Variants in DUS2 observed in about 807,000 individuals in gnomAD.
DUS2 encodes tRNA-dihydrouridine(20) synthase [NAD(P)+]-like.
In DUS2, 52 loss-of-function variants were observed where a neutral mutation model predicts 71.3. The observed-to-expected ratio is 0.73, with a 90% CI of 0.58 to 0.92. DUS2 has a LOEUF of 0.92. DUS2 is among the 40% of genes least tolerant of loss of function. The pLI is 0.00. For synonymous variants in DUS2, 204 were observed against 227.8 expected (o/e 0.90, Z 0.94); for missense variants, 558 against 622.6 (o/e 0.90, Z 1.10).
chr16:68,057,098 GATTACATATATTATAT>G (rs1281356177), intron 7 of DUS2, among the ~76,000 whole-genome samples: 1 of 132,644 alleles, frequency 7.5e-6, no homozygotes, highest in East Asian at 2.0e-4. Flanking sequence ...TATAATTATA[GATTACATATATTATAT>G]ATTACATATA....
chr16:68,037,993 C>CTTTT lies in DUS2; in HGVS notation c.-18-7_-18-4dup. 1 of 1,565,022 alleles carries CTTTT rather than the reference C, an allele frequency of 6.4e-7. No individual in the cohort carries two copies. Among genetic ancestry groups the CTTTT allele is most frequent in the Non-Finnish European group, 8.7e-7 (1 of 1,150,454 alleles). On this transcript the variant is annotated splice_polypyrimidine_tract_variant and intron_variant, in intron 2 of 16. Transcript: ENST00000565263. ...TTTGAATTTCTGACTCTTGTTTCCT[C>CTTTT]TTTTTTTTTCAGGCTGTAACAGAGG...
At chr16:68,076,839 C>T in intron 15 of DUS2, 120 bp downstream of exon 15, 1 of 748,730 alleles carries the variant, frequency 1.3e-6, no homozygotes, top group Non-Finnish European at 2.1e-6. Context: ...GGAGAAGCTG[C>T]TGGTGGCCAG....
At chr16:68,035,824 C>T (rs1234544486) in intron 2 of DUS2, among the ~76,000 whole-genome samples, 11 of 140,782 alleles carry the variant, frequency 7.8e-5, no homozygotes, top group Admixed American at 7.2e-4. Flanking sequence ...AAGCAATTCT[C>T]GTGCCACAGC....
At chr16:68,073,980 T>C in intron 12 of DUS2, 54 bp from the exon 13 acceptor site, 4 of 1,608,662 alleles carry the variant, frequency 2.5e-6, no homozygotes, top group Non-Finnish European at 3.4e-6. Flanking sequence ...CATCAGAGCA[T>C]AGCCCAGGCC....
intron 14 of DUS2, among the ~76,000 whole-genome samples, chr16:68,076,042 G>C (rs997670083): frequency 5.9e-5 from 9 of 152,198 alleles, no homozygotes; most frequent in African/African-American, 1.9e-4. Context: ...GGTGTGGAGA[G>C]GGGGAGCAGG....
chr16:68,053,521 G>C, intron 4 of DUS2, 43 bp from the exon 5 acceptor site: 2 of 1,596,168 alleles, frequency 1.3e-6, no homozygotes, highest in Non-Finnish European at 8.6e-7. Context: ...CGTTGAACTT[G>C]CATCTTCATT....
intron 2 of DUS2, chr16:68,026,890 A>AAAAT (rs1248700926): frequency 1.3e-5 from 2 of 151,482 alleles, no homozygotes; most frequent in Non-Finnish European, 2.9e-5. Context: ...AAAAAAAAAA[A>AAAAT]AAAAAAGCAC....
At chr16:68,078,354 C>T (rs2034187160) in intron 15 of DUS2, 91 bp from the exon 16 acceptor site, 2 of 1,269,370 alleles carry the variant, frequency 1.6e-6, no homozygotes, top group Non-Finnish European at 1.1e-6. Flanking sequence ...GTTGGAAACA[C>T]TTCCTTTTAT....
intron 2 of DUS2, among the ~76,000 whole-genome samples, chr16:68,031,149 T>C (rs1370654513): frequency 6.6e-6 from 1 of 152,118 alleles, no homozygotes; most frequent in African/African-American, 2.4e-5. Context: ...CTGGCTTTGA[T>C]CCTCTAGGAA....
intron 3 of DUS2, among the ~76,000 whole-genome samples, chr16:68,047,049 C>CTTTTTTT (rs1305624703): frequency 1.2e-4 from 9 of 72,198 alleles, no homozygotes; most frequent in African/African-American, 1.9e-4. Flanking sequence ...CATGCCCGGC[C>CTTTTTTT]TTTTTTTTTT....
intron 16 of DUS2, 47 bp downstream of exon 16, chr16:68,078,565 G>C: frequency 1.3e-6 from 2 of 1,594,366 alleles, no homozygotes; most frequent in Non-Finnish European, 1.7e-6. Flanking sequence ...GGGGCGGAGA[G>C]TGGGCATTCT....
At chr16:68,035,334 C>T (rs2033501221) in intron 2 of DUS2, among the ~76,000 whole-genome samples, 1 of 152,052 alleles carries the variant, frequency 6.6e-6, no homozygotes, top group African/African-American at 2.4e-5. Flanking sequence ...CATGATCTGA[C>T]CATTGTATCC....
chr16:68,067,445 C>T (rs1012036594), intron 10 of DUS2, among the ~76,000 whole-genome samples: 1 of 147,720 alleles, frequency 6.8e-6, no homozygotes, highest in Non-Finnish European at 1.5e-5. Flanking sequence ...CCATGCCCAG[C>T]TAATTTTTAT....
At position 68,075,387 on chromosome 16, in the gene DUS2, A is replaced by C; in HGVS notation, c.965A>C (p.Glu322Ala). 2.5e-6 allele frequency: 4 copies of C among 1,612,854 alleles called. No individual in the cohort carries two copies. The highest frequency in any genetic ancestry group is 3.4e-6 in the Non-Finnish European group (4 of 1,179,378). ...TTTGGCCTTGGTGCCTTCTATGAGG[A>C]GACCACACAGGAGCTGGATGCCCAG... ...EAFGLGAFYE[E>A]TTQELDAQQA... The change falls in exon 14 of 17, where the codon GAG (glutamate) becomes GCG (alanine). Residue 322 changes from glutamate (E) to alanine (A), a missense_variant. By Grantham distance (107) the Glu-to-Ala change is moderately radical. Coordinates refer to ENST00000565263, the MANE Select transcript of DUS2 (RefSeq NM_017803.5).
rs2033672126 is a variant in DUS2 at position 68,044,385 on chromosome 16, T to C, written c.127-5120T>C. ...AACATGAGATGTCTTTATTTAGGTCTTCTTTAATTTCTTTTTTTTTTTTTT... is the reference window on the plus strand; with the variant it reads ...AACATGAGATGTCTTTATTTAGGTCCTCTTTAATTTCTTTTTTTTTTTTTT... On this transcript the variant is annotated intron_variant, in intron 3 of 16. Coordinates refer to ENST00000565263, the MANE Select transcript of DUS2 (RefSeq NM_017803.5). 4.6e-5 allele frequency among the ~76,000 whole-genome samples: 7 copies of C among 151,916 alleles called. No homozygotes were observed. In the South Asian group the frequency reaches 1.5e-3, roughly 32 times the overall value.
intron 4 of DUS2, among the ~76,000 whole-genome samples, chr16:68,051,123 C>T (rs914420213): frequency 1.1e-4 from 17 of 152,302 alleles, no homozygotes; most frequent in East Asian, 3.9e-4. Context: ...CCATCTGCCA[C>T]GTTCAGTCTT....
chr16:68,029,309 T>C (rs1206353897), intron 2 of DUS2, among the ~76,000 whole-genome samples: 1 of 152,196 alleles, frequency 6.6e-6, no homozygotes. Flanking sequence ...TTTTTGTTTT[T>C]AATTTTTATT....
At chr16:68,049,612 A>T in intron 4 of DUS2, 62 bp downstream of exon 4, 1 of 1,498,356 alleles carries the variant, frequency 6.7e-7, no homozygotes, top group Non-Finnish European at 9.3e-7. Context: ...CAGCACTACC[A>T]CTGCCCTTGC....
intron 15 of DUS2, 68 bp downstream of exon 15, chr16:68,076,787 T>G: frequency 4.4e-5 from 62 of 1,405,712 alleles, no homozygotes; most frequent in Non-Finnish European, 5.9e-5. Flanking sequence ...CCCTCAACTC[T>G]AGATTGCCAG....
Sources: gnomAD v4.1 joint callset for allele counts (sites outside exome capture counted in the v4.1 genomes callset) on GRCh38, gnomAD v4.1.1 for gene constraint, MANE v1.5 for transcripts, NCBI Gene and HGNC (gene_info 2026-07-23, HGNC 2026-07-21) for gene names.